Variants in TARS1 observed in about 807,000 individuals in gnomAD.
The protein encoded by TARS1 is threonyl-tRNA synthetase 1.
A neutral mutation model predicts 97.7 loss-of-function variants in TARS1; 57 were observed. That is an observed-to-expected ratio of 0.58 (90% CI 0.47 to 0.73). The LOEUF (loss-of-function observed/expected upper bound fraction) is 0.73. TARS1 is among the 30% of genes least tolerant of loss of function. The pLI, the probability that TARS1 is intolerant of heterozygous loss-of-function variation, is 0.00. For synonymous variants in TARS1, 312 were observed against 293.7 expected, an observed-to-expected ratio of 1.06 and a Z score of -0.64; for missense variants, 806 against 888.3, an observed-to-expected ratio of 0.91 and a Z score of 1.18.
At chr5:33,449,437 T>TTGAC (rs1741608197) in intron 3 of TARS1, among the ~76,000 whole-genome samples, 6 of 145,454 alleles carry the variant, frequency 4.1e-5, no homozygotes, top group African/African-American at 1.6e-4. Flanking sequence ...ATGATTCTTT[T>TTGAC]TTTCTTTCTT....
rs755509188 is a variant in TARS1 at position 33,457,349 on chromosome 5, G to A, written c.930G>A (p.Glu310=). ...TCCCAGATCCTAAAATGTTGAAAGA[G>A]TGGGAGAAGTTCCAAGAGGAAGCTA... ...ISFPDPKMLK[E]WEKFQEEAKN... Residue 310 remains glutamate, a synonymous_variant, in exon 9 of 19, where the codon GAG becomes GAA. Coordinates refer to ENST00000265112, the MANE Select transcript of TARS1 (RefSeq NM_152295.5). 3.7e-6 allele frequency: 6 copies of A among 1,614,160 alleles called. No homozygotes were observed. The highest frequency in any genetic ancestry group is 8.5e-7 in the Non-Finnish European group (1 of 1,180,002).
intron 18 of TARS1, 116 bp from the exon 19 acceptor site, chr5:33,467,444 T>C (rs1742579958): frequency 1.8e-6 from 2 of 1,121,228 alleles, no homozygotes; most frequent in Admixed American, 3.1e-5. Context: ...CCTTTTAATG[T>C]ATCAGAAGCT....
chr5:33,460,074 G>A (rs1742219780), intron 11 of TARS1: 1 of 447,976 alleles, frequency 2.2e-6, no homozygotes, highest in Non-Finnish European at 3.9e-6. Context: ...TGGAGTGCAG[G>A]TATGCGATTA....
At chr5:33,454,094 T>C (rs976969011) in intron 4 of TARS1, among the ~76,000 whole-genome samples, 7 of 152,210 alleles carry the variant, frequency 4.6e-5, no homozygotes, top group Admixed American at 2.0e-4. Context: ...AGCACTGCCT[T>C]TATTGGATAA....
intron 16 of TARS1, 93 bp downstream of exon 16, chr5:33,462,296 A>C: frequency 8.7e-7 from 1 of 1,153,290 alleles, no homozygotes; most frequent in Non-Finnish European, 1.3e-6. Context: ...GGAAAGGGAG[A>C]ATGATTCCAA....
intron 16 of TARS1, among the ~76,000 whole-genome samples, chr5:33,463,428 T>A (rs187869053): frequency 6.6e-6 from 1 of 152,346 alleles, no homozygotes; most frequent in Admixed American, 6.5e-5. Flanking sequence ...ATTTGTTACC[T>A]CCTCTCACAG....
Position 33,441,076 on chromosome 5 carries a change from G to C in TARS1, c.-11G>C. ...CGCTTTCGGGTTCTCTCATCGCTTC[G>C]TCGTTCGCCAATGTTTGAGGAGAAG... On this transcript the variant is annotated 5_prime_UTR_variant, in exon 1 of 19. Coordinates refer to ENST00000265112, the MANE Select transcript of TARS1 (RefSeq NM_152295.5). 6.2e-7 allele frequency: 1 copy of C among 1,614,178 alleles called. No individual in the cohort carries two copies. Among genetic ancestry groups the C allele is most frequent in the Non-Finnish European group, 8.5e-7 (1 of 1,180,024 alleles).
Position 33,461,271 on chromosome 5 carries a change from C to A in TARS1, c.1527C>A (p.Ile509=), listed in dbSNP as rs376335480. ...GCCCGGAAAAATTCCTTGGAGATAT[C>A]GAAGTATGGGATCAAGCTGAGAAAG... ...STRPEKFLGD[I]EVWDQAEKQL... Residue 509 remains isoleucine, a synonymous_variant, in exon 13 of 19, where the codon ATC becomes ATA. Coordinates refer to ENST00000265112, the MANE Select transcript of TARS1 (RefSeq NM_152295.5). 6 of 1,612,782 alleles carry A rather than the reference C, an allele frequency of 3.7e-6. No individual in the cohort carries two copies. The highest frequency in any genetic ancestry group is 1.7e-5 in the Admixed American group (1 of 59,786).
chr5:33,451,564 G>A (rs1579580875), intron 3 of TARS1, among the ~76,000 whole-genome samples: 1 of 151,904 alleles, frequency 6.6e-6, no homozygotes, highest in Non-Finnish European at 1.5e-5. Flanking sequence ...TAGTAGAGAC[G>A]GGGTTTCACT....
intron 2 of TARS1, among the ~76,000 whole-genome samples, chr5:33,447,760 A>C (rs911191428): frequency 6.6e-6 from 1 of 152,188 alleles, no homozygotes; most frequent in African/African-American, 2.4e-5. Flanking sequence ...TCTCCTCTTC[A>C]CTTTTGTATG....
intron 17 of TARS1, among the ~76,000 whole-genome samples, chr5:33,464,459 C>A (rs1048721039): frequency 6.6e-6 from 1 of 152,084 alleles, no homozygotes; most frequent in African/African-American, 2.4e-5. Context: ...AAATGTATAG[C>A]CATTCATAAC....
intron 3 of TARS1, chr5:33,452,473 A>T (rs1741793414): frequency 1.3e-6 from 2 of 1,490,826 alleles, no homozygotes; most frequent in Admixed American, 3.9e-5. Context: ...TTTCCAGATG[A>T]CTCTGACCTG....
chr5:33,443,628 G>C (rs1353820208), intron 1 of TARS1, among the ~76,000 whole-genome samples: 1 of 151,798 alleles, frequency 6.6e-6, no homozygotes, highest in Non-Finnish European at 1.5e-5. Context: ...GAGTAGCTGG[G>C]ACTACAGGCA....
chr5:33,446,710 A>G (rs1741437472), intron 2 of TARS1: 1 of 1,289,292 alleles, frequency 7.8e-7, no homozygotes, highest in Non-Finnish European at 1.0e-6. Flanking sequence ...TCTAATTGGG[A>G]CATTGCAAGT....
At position 33,467,624 on chromosome 5, in the gene TARS1, C is replaced by T. The variant is rs770555000; in HGVS notation, c.2088C>T (p.His696=). 62 of 1,613,742 alleles carry T rather than the reference C, an allele frequency of 3.8e-5. No individual in the cohort carries two copies. The highest frequency in any genetic ancestry group is 1.8e-4 in the Admixed American group (11 of 59,924). The part of the protein sequence containing the change: ...VNIRTRDNKV[H]GERTISETIE... ...TCCGCACAAGAGACAATAAGGTCCA[C>T]GGGGAACGCACCATTTCTGAAACTA... is the stretch of plus-strand genomic sequence containing the variant. Residue 696 remains histidine, a synonymous_variant, in exon 19 of 19, where the codon CAC becomes CAT. Coordinates refer to ENST00000265112, the MANE Select transcript of TARS1 (RefSeq NM_152295.5).
At chr5:33,455,778 C>T (rs985997321) in intron 6 of TARS1, 74 bp downstream of exon 6, 38 of 1,116,074 alleles carry the variant, frequency 3.4e-5, no homozygotes, top group Non-Finnish European at 4.8e-5. Context: ...ACACCACTGG[C>T]GTTCCGTGTA....
At chr5:33,444,971 C>A (rs930439023) in intron 1 of TARS1, among the ~76,000 whole-genome samples, 2 of 151,436 alleles carry the variant, frequency 1.3e-5, no homozygotes, top group Non-Finnish European at 2.9e-5. Flanking sequence ...TTTTTTTTCC[C>A]CTGGAAATAT....
intron 17 of TARS1, 120 bp downstream of exon 17, chr5:33,463,945 T>G (rs999735443): frequency 5.5e-5 from 45 of 818,926 alleles, no homozygotes; most frequent in Non-Finnish European, 8.0e-5. Context: ...GTTACTATTT[T>G]TAATCTTTGT....
intron 8 of TARS1, among the ~76,000 whole-genome samples, chr5:33,456,786 G>A (rs1303170257): frequency 6.6e-6 from 1 of 152,174 alleles, no homozygotes; most frequent in African/African-American, 2.4e-5. Context: ...GGGTATTGGG[G>A]TGTAGAATGG....
Sources: gnomAD v4.1 joint callset for allele counts (sites outside exome capture counted in the v4.1 genomes callset) on GRCh38, gnomAD v4.1.1 for gene constraint, MANE v1.5 for transcripts, NCBI Gene and HGNC (gene_info 2026-07-23, HGNC 2026-07-21) for gene names.